The following FOXR1 variants were observed in gnomAD, a reference collection of about 807,000 sequenced individuals.
The protein encoded by FOXR1 is forkhead box protein R1.
Under a neutral mutation model 34.5 loss-of-function variants are expected in FOXR1, and 25 were observed. The ratio of observed to expected loss-of-function variants is 0.72; its 90% CI spans 0.53 to 1.01. The LOEUF (loss-of-function observed/expected upper bound fraction) is 1.01. Ranked by LOEUF, FOXR1 falls within the 50% of genes least tolerant of loss-of-function variation. The pLI is 0.00. For synonymous variants in FOXR1, 153 were observed against 141.6 expected (o/e 1.08, Z -0.57); for missense variants, 373 against 376.2 (o/e 0.99, Z 0.07).
Position 118,971,853 on chromosome 11 carries a change from G to A in FOXR1, c.-79G>A. 1 of 1,489,252 alleles carries A rather than the reference G, an allele frequency of 6.7e-7. No homozygotes were observed. The highest frequency in any genetic ancestry group is 1.2e-5 in the South Asian group (1 of 82,872). The allele number at this position is 1,489,252 out of a possible 1,614,324, so 92.3% of individuals were successfully genotyped here. A position where few individuals can be genotyped will look rare whatever the true frequency, so the allele number is the denominator to read the frequency against. On this transcript the variant is annotated 5_prime_UTR_variant, in exon 1 of 6. Coordinates refer to ENST00000317011, the MANE Select transcript of FOXR1 (RefSeq NM_181721.3). ...GCGCCGCCGCGCCTCTGCCAGCCCC[G>A]AAGGTGGACGTGAAGCTCCAACACC...
rs151253979 is a variant in FOXR1, at chr11:118,971,993, G to C, written c.61+1G>C. The C allele has an allele frequency of 6.5e-7, 1 of 1,546,862 alleles. No homozygotes were observed. The highest frequency in any genetic ancestry group is 1.7e-4 in the Middle Eastern group (1 of 5,972). On this transcript the variant is annotated splice_donor_variant, in intron 1 of 5. Transcript: ENST00000317011. LOFTEE classifies it high-confidence loss of function. The stretch of plus-strand genomic sequence containing the variant: ...CACCTCCCCTTAGCGGAGCAGAAAC[G>C]TGAGTAGCGGGTGGGGTGAGGTGGG...
Position 118,979,671 on chromosome 11 carries a change from A to G in FOXR1, c.611+3A>G. ...CAACAGATCTACAGTTTCACTCGGT[A>G]TGTGCCGGGGGCCCTGCGAGGAGGG... On this transcript the variant is annotated splice_donor_region_variant and intron_variant, in intron 4 of 5. Transcript: ENST00000317011. 3.8e-6 allele frequency: 6 copies of G among 1,589,776 alleles called. No homozygotes were observed. The highest frequency in any genetic ancestry group is 5.1e-6 in the Non-Finnish European group (6 of 1,167,208).
chr11:118,979,254 A>G (rs781919850), intron 3 of FOXR1, 50 bp downstream of exon 3: 5 of 1,505,006 alleles, frequency 3.3e-6, no homozygotes, highest in African/African-American at 2.8e-5. Context: ...GGCGAGGGGC[A>G]TGGGGAAGAG....
chr11:118,979,859 GT>G (rs146110643), intron 4 of FOXR1, among the ~76,000 whole-genome samples, 191 bp downstream of exon 4: 6 of 149,786 alleles, frequency 4.0e-5, no homozygotes, highest in Admixed American at 6.7e-5. Context: ...TATGGCTTTA[GT>G]TTTTTTTTTC....
In FOXR1 at chr11:118,974,517, C is replaced by T. The variant is rs564195960; in HGVS notation, c.61+2525C>T. Among the ~76,000 whole-genome samples the T allele has an allele frequency of 3.3e-5, 5 of 152,330 alleles. No individual in the cohort carries two copies. The East Asian group carries it at 9.6e-4, about 29-fold the overall frequency. ...CTGCTTCATGAGTGTGTGACCCGTG[C>T]AGTTGCCTAGGTGCCTGTGTTTGGT... On this transcript the variant is annotated intron_variant, in intron 1 of 5. Coordinates refer to ENST00000317011, the MANE Select transcript of FOXR1 (RefSeq NM_181721.3).
intron 1 of FOXR1, among the ~76,000 whole-genome samples, chr11:118,978,541 G>A (rs1941805907): frequency 6.6e-6 from 1 of 152,170 alleles, no homozygotes; most frequent in Non-Finnish European, 1.5e-5. Flanking sequence ...GATGTTAACT[G>A]AAGCCACGGA....
chr11:118,980,232 C>T, intron 4 of FOXR1: 1 of 658,182 alleles, frequency 1.5e-6, no homozygotes, highest in Admixed American at 2.1e-5. Context: ...CTTACAGGAG[C>T]TGCTTGGCCT....
chr11:118,975,680 T>C (rs1289178322), intron 1 of FOXR1, among the ~76,000 whole-genome samples: 1 of 152,020 alleles, frequency 6.6e-6, no homozygotes, highest in African/African-American at 2.4e-5. Context: ...AGACAAAAAA[T>C]TAGTGACACA....
intron 1 of FOXR1, among the ~76,000 whole-genome samples, chr11:118,973,693 C>A (rs1941743744): frequency 7.5e-6 from 1 of 133,440 alleles, no homozygotes; most frequent in Admixed American, 8.9e-5. Context: ...CCGCACCCGG[C>A]CTTCTTTTTT....
intron 1 of FOXR1, among the ~76,000 whole-genome samples, chr11:118,978,031 A>G (rs1211180483): frequency 6.6e-6 from 1 of 152,144 alleles, no homozygotes; most frequent in Non-Finnish European, 1.5e-5. Context: ...AGCCTGGCCA[A>G]TATGGTGAAA....
intron 1 of FOXR1, among the ~76,000 whole-genome samples, chr11:118,976,308 C>T (rs553969239): frequency 2.0e-5 from 3 of 152,372 alleles, no homozygotes; most frequent in Admixed American, 6.5e-5. Context: ...CATCCTCCCA[C>T]TTCAGCCTCC....
At chr11:118,980,774 G>T in intron 5 of FOXR1, 46 bp downstream of exon 5, 1 of 1,564,784 alleles carries the variant, frequency 6.4e-7, no homozygotes, top group Middle Eastern at 1.7e-4. Context: ...GAGACCTGAG[G>T]ATCCTGACCC....
At position 118,981,205 on chromosome 11, in the gene FOXR1, C is replaced by G; in HGVS notation, c.851-3C>G. ...ACTCCTGAACTCTCTCCTTTTCTTA[C>G]AGATGTGATGCCCTTCCTCTTTGAT... On this transcript the variant is annotated splice_polypyrimidine_tract_variant and splice_region_variant and intron_variant, in intron 5 of 5. Transcript: ENST00000317011. The G allele has an allele frequency of 6.2e-7, 1 of 1,614,114 alleles. No individual in the cohort carries two copies. The highest frequency in any genetic ancestry group is 8.5e-7 in the Non-Finnish European group (1 of 1,179,974).
chr11:118,980,310 C>T (rs192764360), intron 4 of FOXR1, 180 bp from the exon 5 acceptor site: 1 of 737,312 alleles, frequency 1.4e-6, no homozygotes, highest in East Asian at 2.7e-5. Flanking sequence ...TCAGGTGAGC[C>T]ACGCACCACG....
chr11:118,971,943 G>A lies in FOXR1; in HGVS notation c.12G>A (p.Glu4=), dbSNP rs1197414976. 1 of 1,555,636 alleles carries A rather than the reference G, an allele frequency of 6.4e-7. No homozygotes were observed. Among genetic ancestry groups the A allele is most frequent in the Admixed American group, 1.9e-5 (1 of 51,484 alleles). ...TGCTGGACTGGGACATGGGGAACGA[G>A]CTCTTTCTGGCCTTCACCACATCTC... The part of the protein sequence containing the change: MGN[E]LFLAFTTSHL... Residue 4 remains glutamate, a synonymous_variant, in exon 1 of 6, where the codon GAG becomes GAA. Transcript: ENST00000317011.
Position 118,979,495 on chromosome 11 carries a change from C to T in FOXR1, c.438C>T (p.Leu146=). The change falls in exon 4 of 6, where the codon CTC becomes CTT. Residue 146 remains leucine (L), a synonymous_variant. Transcript: ENST00000317011. Reference sequence around the variant, plus strand: ...AGGAAGACAGCTCCTCTATGGCTCTCCCATCCCCTCACAAAAGGGCCCCCC... The same window carrying T: ...AGGAAGACAGCTCCTCTATGGCTCTTCCATCCCCTCACAAAAGGGCCCCCC... ...EDQEDSSSMA[L]PSPHKRAPLQ... is the part of the protein sequence containing the mutation. The T allele has an allele frequency of 6.2e-7, 1 of 1,613,164 alleles. No individual in the cohort carries two copies. The highest frequency in any genetic ancestry group is 8.5e-7 in the Non-Finnish European group (1 of 1,179,540).
chr11:118,972,129 G>C (rs1032672279), intron 1 of FOXR1, 137 bp downstream of exon 1: 127 of 361,170 alleles, frequency 3.5e-4, no homozygotes, highest in South Asian at 1.0e-3. Flanking sequence ...AGCGCCCCGC[G>C]CCCCCCCCCC....
At position 118,971,973 on chromosome 11, in the gene FOXR1, C is replaced by T; in HGVS notation, c.42C>T (p.Leu14=). Reference sequence around the variant, plus strand: ...TTCTGGCCTTCACCACATCTCACCTCCCCTTAGCGGAGCAGAAACGTGAGT... The same window carrying T: ...TTCTGGCCTTCACCACATCTCACCTTCCCTTAGCGGAGCAGAAACGTGAGT... The part of the protein sequence containing the change: ...ELFLAFTTSH[L]PLAEQKLARY... The change falls in exon 1 of 6, where the codon CTC becomes CTT. Residue 14 remains leucine (L), a synonymous_variant. Coordinates refer to ENST00000317011, the MANE Select transcript of FOXR1 (RefSeq NM_181721.3). The T allele has an allele frequency of 1.3e-6, 2 of 1,552,256 alleles. No homozygotes were observed. The highest frequency in any genetic ancestry group is 1.2e-5 in the South Asian group (1 of 84,108).
chr11:118,975,755 A>C (rs79545498), intron 1 of FOXR1, among the ~76,000 whole-genome samples: 3,296 of 152,300 alleles, frequency 0.022, 115 homozygotes, highest in African/African-American at 0.075. Flanking sequence ...TGTGCCAAAG[A>C]GAGACACAGA....
Sources: allele counts gnomAD v4.1 joint callset (sites outside exome capture counted in the v4.1 genomes callset), GRCh38; gene constraint gnomAD v4.1.1; transcripts MANE v1.5; gene names NCBI Gene and HGNC (gene_info 2026-07-23, HGNC 2026-07-21).